Variants in SCGB1C1 observed in about 807,000 individuals in gnomAD.
The protein encoded by SCGB1C1 is ligand binding protein RYD5.
SCGB1C1 carries 2 observed loss-of-function variants against 8.9 expected under a neutral mutation model. The observed-to-expected ratio is 0.23, with a 90% CI of 0.09 to 0.71. SCGB1C1 has a LOEUF of 0.71. Ranked by LOEUF, SCGB1C1 falls within the 30% of genes least tolerant of loss-of-function variation. SCGB1C1 has a pLI of 0.78. For synonymous variants in SCGB1C1, 6 were observed against 45.8 expected (o/e 0.13, Z 3.51); for missense variants, 25 against 112.7 (o/e 0.22, Z 3.52).
In SCGB1C1 at chr11:193,847, C is replaced by G. The variant is rs1316129310; in HGVS notation, c.191C>G (p.Thr64Ser). 2 of 1,516,986 alleles carry G rather than the reference C, an allele frequency of 1.3e-6. No homozygotes were observed. Among genetic ancestry groups the G allele is most frequent in the African/African-American group, 2.8e-5 (2 of 72,630 alleles). The allele number at this position is 1,516,986 out of a possible 1,614,324, so 94.0% of individuals were successfully genotyped here. The change falls in exon 2 of 3, where the codon ACT (threonine) becomes AGT (serine). Residue 64 changes from threonine to serine, a missense_variant. Thr to Ser is a moderately conservative substitution (Grantham distance 58). Transcript: ENST00000342878. ...NVNEDAKAAM[T>S]ELKSCIDGLQ... ...AACGAAGATGCCAAGGCAGCAATGA[C>G]TGAACTCAAGTCCTGTATAGATGGC... is the stretch of plus-strand genomic sequence containing the variant.
At chr11:190,770 G>A (rs1322043076), upstream of SCGB1C1, among the ~76,000 whole-genome samples, 5 of 152,220 alleles carry the variant, frequency 3.3e-5, no homozygotes, top group Admixed American at 6.5e-5. Flanking sequence ...CACTGACAGC[G>A]ATCACGTTTG....
chr11:190,385 A>G (rs2396797), upstream of SCGB1C1, among the ~76,000 whole-genome samples: 2,030 of 92,102 alleles, frequency 0.022, no homozygotes, highest in East Asian at 0.045. Flanking sequence ...TATTGGGGAG[A>G]GCTGATGTCC....
intron 2 of SCGB1C1, 83 bp downstream of exon 2, chr11:193,994 C>T (rs1189766830): frequency 2.3e-6 from 2 of 877,202 alleles, no homozygotes; most frequent in African/African-American, 1.7e-5. Flanking sequence ...ACAGCCTACC[C>T]CACCCACAGA....
chr11:191,848 ACCCTAAC>A (rs1362865180), upstream of SCGB1C1, among the ~76,000 whole-genome samples: 10 of 27,202 alleles, frequency 3.7e-4, no homozygotes, highest in African/African-American at 8.8e-4. Flanking sequence ...CCTAACCCTA[ACCCTAAC>A]CCCTAACCCC....
chr11:188,370 G>A (rs200556717), upstream of SCGB1C1, among the ~76,000 whole-genome samples: 4,163 of 144,454 alleles, frequency 0.029, no homozygotes, highest in East Asian at 0.069. Flanking sequence ...AATCATTTAC[G>A]GTCATGATTA....
chr11:192,308 C>T (rs1250546894), upstream of SCGB1C1, among the ~76,000 whole-genome samples: 3 of 152,076 alleles, frequency 2.0e-5, no homozygotes, highest in African/African-American at 7.2e-5. Context: ...CCTCCTGTGT[C>T]CATTGTAATA....
At chr11:191,444 C>A (rs953485790), upstream of SCGB1C1, among the ~76,000 whole-genome samples, 1 of 111,014 alleles carries the variant, frequency 9.0e-6, no homozygotes, top group African/African-American at 3.7e-5. Context: ...GTTAAGAGAA[C>A]AAAAAGACAA....
upstream of SCGB1C1, among the ~76,000 whole-genome samples, chr11:191,034 T>C (rs1372212451): frequency 7.0e-6 from 1 of 143,444 alleles, no homozygotes; most frequent in Non-Finnish European, 1.5e-5. Context: ...GAGATGCTAC[T>C]AATATGTGAA....
upstream of SCGB1C1, among the ~76,000 whole-genome samples, chr11:191,569 C>T (rs1255911679): frequency 6.7e-6 from 1 of 149,310 alleles, no homozygotes; most frequent in African/African-American, 2.5e-5. Context: ...ACTAAAAATG[C>T]ACACACATCT....
At chr11:188,439 A>T (rs1471583553), upstream of SCGB1C1, among the ~76,000 whole-genome samples, 1 of 152,102 alleles carries the variant, frequency 6.6e-6, no homozygotes, top group South Asian at 2.1e-4. Flanking sequence ...AGTATATTTT[A>T]AAAATATTGT....
At chr11:194,391 C>G (rs752624925) in intron 2 of SCGB1C1, 27 bp from the exon 3 acceptor site, 13 of 750,032 alleles carry the variant, frequency 1.7e-5, no homozygotes, top group Non-Finnish European at 2.8e-5. Flanking sequence ...GCACAGCCCT[C>G]TTAGTCCACA....
Sources: allele counts gnomAD v4.1 joint callset (sites outside exome capture counted in the v4.1 genomes callset), GRCh38; gene constraint gnomAD v4.1.1; transcripts MANE v1.5; gene names NCBI Gene and HGNC (gene_info 2026-07-23, HGNC 2026-07-21).